The following ANKRD55 variants were observed in gnomAD, a reference collection of about 807,000 sequenced individuals.
ANKRD55 encodes ankyrin repeat domain 55, also known as ankyrin repeat domain-containing protein 55.
ANKRD55 carries 41 observed loss-of-function variants against 60.6 expected under a neutral mutation model. That is an observed-to-expected ratio of 0.68 (90% CI 0.53 to 0.88). The LOEUF (loss-of-function observed/expected upper bound fraction) is 0.88. Among genes scored for constraint, ANKRD55 ranks in the 40% least tolerant of loss-of-function variants. The pLI, the probability that ANKRD55 is intolerant of heterozygous loss-of-function variation, is 0.00. For synonymous variants in ANKRD55, 264 were observed against 290.3 expected (o/e 0.91, Z 0.92); for missense variants, 732 against 767.6 (o/e 0.95, Z 0.55).
At chr5:56,222,249 C>T (rs1010385343) in intron 2 of ANKRD55, among the ~76,000 whole-genome samples, 10 of 152,180 alleles carry the variant, frequency 6.6e-5, no homozygotes, top group African/African-American at 2.4e-4. Flanking sequence ...TGGAGTGGAC[C>T]TCCAGCAAAC....
At chr5:56,196,135 G>C (rs537345782) in intron 2 of ANKRD55, among the ~76,000 whole-genome samples, 4 of 152,218 alleles carry the variant, frequency 2.6e-5, no homozygotes, top group African/African-American at 9.6e-5. Context: ...TTGTAACCTT[G>C]AGCAATTTTA....
intron 2 of ANKRD55, among the ~76,000 whole-genome samples, chr5:56,226,169 A>G (rs1373613535): frequency 6.6e-6 from 1 of 152,216 alleles, no homozygotes; most frequent in Non-Finnish European, 1.5e-5. Flanking sequence ...GCCCTCAGAA[A>G]TAATACCACA....
At chr5:56,173,813 C>T (rs752421546) in intron 4 of ANKRD55, among the ~76,000 whole-genome samples, 16 of 147,562 alleles carry the variant, frequency 1.1e-4, no homozygotes, top group East Asian at 2.0e-4. Flanking sequence ...CCCAAAGTAG[C>T]GGGATTACAG....
chr5:56,192,263 G>A (rs181457448), intron 2 of ANKRD55, among the ~76,000 whole-genome samples: 11 of 152,334 alleles, frequency 7.2e-5, no homozygotes, highest in Admixed American at 1.3e-4. Context: ...AGAGATTCCA[G>A]AATACACACA....
chr5:56,153,455 A>G (rs1343030110), intron 6 of ANKRD55, among the ~76,000 whole-genome samples: 1 of 152,208 alleles, frequency 6.6e-6, no homozygotes, highest in East Asian at 1.9e-4. Flanking sequence ...GATGGTGAAA[A>G]ATTGAGACAA....
chr5:56,166,104 T>C (rs1758450269), intron 5 of ANKRD55, among the ~76,000 whole-genome samples: 1 of 41,892 alleles, frequency 2.4e-5, no homozygotes, highest in African/African-American at 8.0e-5. Context: ...CTTTCTTTCT[T>C]TCTTTCTTTC....
chr5:56,121,738 A>G (rs1186723501), intron 8 of ANKRD55, among the ~76,000 whole-genome samples: 1 of 152,184 alleles, frequency 6.6e-6, no homozygotes, highest in African/African-American at 2.4e-5. Context: ...CCTTTCACTC[A>G]CTGTGTGGTT....
At chr5:56,147,927 A>G (rs976665780) in intron 6 of ANKRD55, among the ~76,000 whole-genome samples, 3 of 152,102 alleles carry the variant, frequency 2.0e-5, no homozygotes, top group African/African-American at 7.2e-5. Flanking sequence ...CAGAAATTGT[A>G]GTTGTCTTAT....
chr5:56,166,158 T>TTTCTTTCTTTCTTTCTTTC lies in ANKRD55; in HGVS notation c.422+4535_422+4536insGAAAGAAAGAAAGAAAGAA, dbSNP rs1554040812. Among the ~76,000 whole-genome samples, 476 of 72,424 alleles carry TTTCTTTCTTTCTTTCTTTC rather than the reference T, an allele frequency of 6.6e-3. 27 individuals are homozygous for TTTCTTTCTTTCTTTCTTTC. The highest frequency in any genetic ancestry group is 0.023 in the Middle Eastern group (4 of 172). The allele number at this position is 72,424 out of a possible 152,430, so 47.5% of individuals were successfully genotyped here. A position where few individuals can be genotyped will look rare whatever the true frequency, so the allele number is the denominator to read the frequency against. ...TCTTTCTTTCTTTCTTTCTTTCTTC[T>TTTCTTTCTTTCTTTCTTTC]TTCCTTCCTTCCTTCCTTCCTTCCT... On this transcript the variant is annotated intron_variant, in intron 5 of 11. Transcript: ENST00000341048.
chr5:56,149,219 G>C (rs1757978663), intron 6 of ANKRD55, among the ~76,000 whole-genome samples: 1 of 152,114 alleles, frequency 6.6e-6, no homozygotes, highest in Admixed American at 6.5e-5. Flanking sequence ...TGAGTAGATA[G>C]ACGGTGAGCA....
At chr5:56,183,670 G>A (rs752806108) in intron 2 of ANKRD55, 36 bp from the exon 3 acceptor site, 2 of 1,605,202 alleles carry the variant, frequency 1.2e-6, no homozygotes, top group Non-Finnish European at 1.7e-6. Context: ...TTAGTGTGTG[G>A]AGCCAGTTCA....
intron 7 of ANKRD55, chr5:56,137,562 TA>T: frequency 1.5e-6 from 1 of 648,786 alleles, no homozygotes; most frequent in Non-Finnish European, 2.7e-6. Flanking sequence ...CAATTAAAAG[TA>T]AAAGAAAAAA....
chr5:56,167,849 A>T (rs67838376), intron 5 of ANKRD55, among the ~76,000 whole-genome samples: 23,740 of 152,108 alleles, frequency 0.16, 3,285 homozygotes, highest in African/African-American at 0.37. Context: ...AAATAGAAAC[A>T]CAAGTCCACA....
chr5:56,167,394 CATCTT>C, intron 5 of ANKRD55, among the ~76,000 whole-genome samples: 1 of 152,170 alleles, frequency 6.6e-6, no homozygotes, highest in Non-Finnish European at 1.5e-5. Flanking sequence ...ATGATATAAT[CATCTT>C]ATGGGACCAT....
At chr5:56,226,407 A>G (rs1327800856) in intron 2 of ANKRD55, among the ~76,000 whole-genome samples, 1 of 152,254 alleles carries the variant, frequency 6.6e-6, no homozygotes, top group Non-Finnish European at 1.5e-5. Flanking sequence ...AATACCATTC[A>G]GGACATAGGC....
chr5:56,141,385 T>C (rs1757762139), intron 7 of ANKRD55, among the ~76,000 whole-genome samples: 1 of 152,182 alleles, frequency 6.6e-6, no homozygotes, highest in Admixed American at 6.5e-5. Context: ...TATAGGCACA[T>C]GCCATTATGC....
At chr5:56,153,777 C>T (rs1758117169) in intron 6 of ANKRD55, among the ~76,000 whole-genome samples, 1 of 151,090 alleles carries the variant, frequency 6.6e-6, no homozygotes, top group African/African-American at 2.4e-5. Context: ...GTGGAGGTTG[C>T]AGTGAGCCGA....
chr5:56,214,500 AT>A (rs1435725060), intron 2 of ANKRD55, among the ~76,000 whole-genome samples: 1 of 152,248 alleles, frequency 6.6e-6, no homozygotes, highest in Non-Finnish European at 1.5e-5. Flanking sequence ...GTTTCAAACA[AT>A]CTTTTGTAGT....
intron 2 of ANKRD55, among the ~76,000 whole-genome samples, chr5:56,185,614 G>A (rs1463915072): frequency 6.6e-6 from 1 of 151,688 alleles, no homozygotes; most frequent in African/African-American, 2.4e-5. Flanking sequence ...GTTGCGGTGA[G>A]CCCAGATGGC....
Sources: allele counts gnomAD v4.1 joint callset (sites outside exome capture counted in the v4.1 genomes callset), GRCh38; gene constraint gnomAD v4.1.1; transcripts MANE v1.5; gene names NCBI Gene and HGNC (gene_info 2026-07-23, HGNC 2026-07-21).